Variants in CELF2 observed in about 807,000 individuals in gnomAD.
The protein encoded by CELF2 is CUG triplet repeat RNA-binding protein 2.
CELF2 carries 8 observed loss-of-function variants against 62.6 expected under a neutral mutation model. That is an observed-to-expected ratio of 0.13 (90% confidence interval 0.07 to 0.23). The LOEUF (loss-of-function observed/expected upper bound fraction) is 0.23. Ranked by LOEUF, CELF2 falls within the 10% of genes least tolerant of loss-of-function variation. CELF2 has a pLI of 1.00. For synonymous variants in CELF2, 258 were observed against 250.0 expected, an observed-to-expected ratio of 1.03 and a Z score of -0.30; for missense variants, 333 against 671.0, an observed-to-expected ratio of 0.50 and a Z score of 5.56.
chr10:10,789,631 T>C, the CELF2 span, among the ~76,000 whole-genome samples: 3 of 152,198 alleles, frequency 2.0e-5, no homozygotes, highest in Non-Finnish European at 2.9e-5. Flanking sequence ...TCATTACATA[T>C]AATCAATTAA....
the CELF2 span, among the ~76,000 whole-genome samples, chr10:10,749,951 A>C: frequency 0.13 from 19,696 of 152,238 alleles, 1,510 homozygotes; most frequent in East Asian, 0.27. Context: ...TAGATAGGAC[A>C]CCTACCCTCA....
chr10:11,318,775 C>T lies in CELF2; in HGVS notation c.1097-2414C>T, dbSNP rs1319337930. 6 of 471,270 alleles carry T rather than the reference C, an allele frequency of 1.3e-5. No individual in the cohort carries two copies. Among genetic ancestry groups the T allele is most frequent in the African/African-American group, 2.0e-5 (1 of 50,076 alleles). 29.2% of individuals were successfully genotyped at this position (471,270 alleles called of 1,614,324 possible). On this transcript the variant is annotated intron_variant, in intron 10 of 12. Coordinates refer to ENST00000633077, the MANE Select transcript of CELF2 (RefSeq NM_001326342.2). The surrounding 1 kb of genome is among the most constrained non-coding windows in gnomAD (Gnocchi z 5.4). ...TGGAAATTAAAAAAACAGCTGTGTA[C>T]AGAGAAGGGAGTTGGGTCCCAGTGA...
intron 2 of CELF2, among the ~76,000 whole-genome samples, chr10:10,978,730 A>G (rs931981534): frequency 2.0e-5 from 3 of 152,226 alleles, no homozygotes; most frequent in Non-Finnish European, 4.4e-5. Flanking sequence ...TACCGATTAT[A>G]TGGTAGGCCA....
chr10:11,174,684 T>A (rs766835501), intron 2 of CELF2, among the ~76,000 whole-genome samples: 19 of 152,276 alleles, frequency 1.2e-4, no homozygotes, highest in Admixed American at 2.0e-4. Flanking sequence ...TTATTGCTTA[T>A]GTAGGACAAA....
chr10:10,833,711 A>T (rs1048396878), intron 1 of CELF2, among the ~76,000 whole-genome samples: 1 of 152,272 alleles, frequency 6.6e-6, no homozygotes, highest in African/African-American at 2.4e-5. Flanking sequence ...TATGAAAAAA[A>T]AGCTCAGCAT....
At chr10:10,474,714 A>T in the CELF2 span, among the ~76,000 whole-genome samples, 2 of 152,108 alleles carry the variant, frequency 1.3e-5, no homozygotes, top group Non-Finnish European at 2.9e-5. Context: ...TCTCTGCAGG[A>T]GAGGAAGTCA....
At chr10:11,175,563 A>G (rs1052439475) in intron 2 of CELF2, among the ~76,000 whole-genome samples, 1 of 152,194 alleles carries the variant, frequency 6.6e-6, no homozygotes, top group African/African-American at 2.4e-5. Context: ...GAGGTGGTGA[A>G]CTTAGAGCAT....
At chr10:10,885,783 C>T (rs1452392143) in intron 1 of CELF2, among the ~76,000 whole-genome samples, 1 of 152,134 alleles carries the variant, frequency 6.6e-6, no homozygotes, top group Non-Finnish European at 1.5e-5. Context: ...GGCTCCTGGT[C>T]TCTTCTTCCA....
At chr10:11,281,956 TTCATG>T (rs1207545912) in intron 8 of CELF2, among the ~76,000 whole-genome samples, 2 of 152,088 alleles carry the variant, frequency 1.3e-5, no homozygotes, top group Non-Finnish European at 2.9e-5. Context: ...GGAGCGGCAC[TTCATG>T]GTGAAGCAGC....
intron 1 of CELF2, among the ~76,000 whole-genome samples, chr10:11,158,255 A>T (rs2064959884): frequency 2.0e-5 from 3 of 152,190 alleles, no homozygotes; most frequent in Non-Finnish European, 4.4e-5. Context: ...CCTGCTGTAG[A>T]AGCAGGGGCT....
chr10:11,165,441 T>C lies in CELF2; in HGVS notation c.75-45T>C. 6.5e-7 allele frequency: 1 copy of C among 1,547,918 alleles called. No individual in the cohort carries two copies. The highest frequency in any genetic ancestry group is 8.8e-7 in the Non-Finnish European group (1 of 1,133,640). On this transcript the variant is annotated intron_variant, in intron 1 of 12. Transcript: ENST00000633077. The surrounding 1 kb of genome is among the most constrained non-coding windows in gnomAD (Gnocchi z 7.4). ...CCCCACTATTTTTTCTTCCTGTCCCTCATCGTGCCGCCCTAACTCTGGCTC... is the reference window on the plus strand; with the variant it reads ...CCCCACTATTTTTTCTTCCTGTCCCCCATCGTGCCGCCCTAACTCTGGCTC...
At chr10:11,199,194 T>C (rs952795782) in intron 2 of CELF2, among the ~76,000 whole-genome samples, 8 of 152,186 alleles carry the variant, frequency 5.3e-5, no homozygotes, top group African/African-American at 1.9e-4. Context: ...ACATCTTTAA[T>C]TGGAGACTTG....
chr10:11,017,532 C>T (rs1472037985), upstream of CELF2, among the ~76,000 whole-genome samples: 1 of 152,220 alleles, frequency 6.6e-6, no homozygotes, highest in African/African-American at 2.4e-5. The surrounding 1 kb of genome is among the most constrained non-coding windows in gnomAD (Gnocchi z 5.5). Context: ...CGAGGAGCAT[C>T]GAAGCGAACC....
Position 11,332,293 on chromosome 10 carries a change from T to TTTTG in CELF2, c.*3244_*3247dup, listed in dbSNP as rs1305347021. ...TGTGGCAGGACAGTCTCTTGAGGGGTTTTGTTTCTGTTTCCTAAATACTCC... is the reference window on the plus strand; with the variant it reads ...TGTGGCAGGACAGTCTCTTGAGGGGTTTTGTTTGTTTCTGTTTCCTAAATACTCC... On this transcript the variant is annotated 3_prime_UTR_variant, in exon 13 of 13. Coordinates refer to ENST00000633077, the MANE Select transcript of CELF2 (RefSeq NM_001326342.2). The TTTTG allele has an allele frequency of 6.6e-6, 1 of 151,834 alleles. No homozygotes were observed. Among genetic ancestry groups the TTTTG allele is most frequent in the African/African-American group, 2.4e-5 (1 of 41,388 alleles). The allele number at this position is 151,834 out of a possible 1,614,324, so 9.4% of individuals were successfully genotyped here.
At chr10:10,474,440 A>G in the CELF2 span, among the ~76,000 whole-genome samples, 1 of 152,148 alleles carries the variant, frequency 6.6e-6, no homozygotes, top group Non-Finnish European at 1.5e-5. Context: ...AAAGTTAAAC[A>G]TAGTAGGCTT....
chr10:11,282,152 C>T (rs566327577), intron 8 of CELF2, among the ~76,000 whole-genome samples: 3 of 152,322 alleles, frequency 2.0e-5, no homozygotes, highest in South Asian at 2.1e-4. Context: ...CCCCTCCATC[C>T]GTCCCTCCCT....
chr10:10,653,309 G>A, the CELF2 span, among the ~76,000 whole-genome samples: 166 of 149,970 alleles, frequency 1.1e-3, 1 homozygote, highest in South Asian at 2.4e-3. Context: ...ACAGATCAAC[G>A]AGACAGAAAG....
At chr10:11,061,643 AG>A (rs1164307675) in intron 1 of CELF2, among the ~76,000 whole-genome samples, 1 of 152,214 alleles carries the variant, frequency 6.6e-6, no homozygotes, top group Non-Finnish European at 1.5e-5. Context: ...TTATCTTATA[AG>A]GGGCTAATAC....
the CELF2 span, among the ~76,000 whole-genome samples, chr10:10,719,259 A>G: frequency 1.3e-5 from 2 of 151,882 alleles, no homozygotes; most frequent in Non-Finnish European, 2.9e-5. Context: ...CACCCGGCCT[A>G]TTATTATACT....
Sources: allele counts gnomAD v4.1 joint callset (sites outside exome capture counted in the v4.1 genomes callset), GRCh38; gene constraint gnomAD v4.1.1; non-coding constraint Gnocchi (gnomAD v3.1); transcripts MANE v1.5; gene names NCBI Gene and HGNC (gene_info 2026-07-23, HGNC 2026-07-21).